The following PTPRN2 variants were observed in gnomAD, a reference collection of about 807,000 sequenced individuals.
PTPRN2 encodes the protein receptor-type tyrosine-protein phosphatase N2.
In PTPRN2, 74 loss-of-function variants were observed where a neutral mutation model predicts 118.8. The ratio of observed to expected loss-of-function variants is 0.62; its 90% CI spans 0.52 to 0.76. The LOEUF is 0.76. PTPRN2 is among the 30% of genes least tolerant of loss of function. The pLI, the probability that PTPRN2 is intolerant of heterozygous loss-of-function variation, is 0.00. For synonymous variants in PTPRN2, 641 were observed against 608.0 expected (o/e 1.05, Z -0.80); for missense variants, 1,481 against 1,394.4 (o/e 1.06, Z -0.99).
chr7:158,186,638 G>A (rs751106285), intron 5 of PTPRN2, among the ~76,000 whole-genome samples: 12 of 149,832 alleles, frequency 8.0e-5, no homozygotes, highest in Non-Finnish European at 1.3e-4. Context: ...AGCCCGCCTG[G>A]GCCACCTGCC....
At chr7:158,385,463 T>C (rs1811262887) in intron 2 of PTPRN2, among the ~76,000 whole-genome samples, 1 of 152,198 alleles carries the variant, frequency 6.6e-6, no homozygotes, top group Non-Finnish European at 1.5e-5. Flanking sequence ...GAGAGCTGTT[T>C]TGAGATAAAA....
chr7:158,019,096 T>G (rs1009706886), intron 11 of PTPRN2, among the ~76,000 whole-genome samples: 1 of 151,952 alleles, frequency 6.6e-6, no homozygotes, highest in African/African-American at 2.4e-5. Flanking sequence ...CGTGTAACTG[T>G]ACTGGGTCTG....
chr7:158,406,518 A>G (rs1813453182), intron 2 of PTPRN2, among the ~76,000 whole-genome samples: 2 of 152,248 alleles, frequency 1.3e-5, no homozygotes, highest in African/African-American at 4.8e-5. Flanking sequence ...TGCTTATCTC[A>G]GGAAGGAAGA....
At chr7:158,388,053 C>G (rs981045290) in intron 2 of PTPRN2, among the ~76,000 whole-genome samples, 1 of 152,174 alleles carries the variant, frequency 6.6e-6, no homozygotes, top group Non-Finnish European at 1.5e-5. Flanking sequence ...TGGAGAACCC[C>G]AGCTCCACAG....
chr7:158,201,194 C>T (rs1298096135), intron 4 of PTPRN2, among the ~76,000 whole-genome samples: 3 of 151,972 alleles, frequency 2.0e-5, no homozygotes, highest in Admixed American at 6.6e-5. Context: ...GGCGCCACCA[C>T]ACCTGGCTAA....
At chr7:158,052,526 G>A (rs576154980) in intron 11 of PTPRN2, among the ~76,000 whole-genome samples, 13 of 152,352 alleles carry the variant, frequency 8.5e-5, no homozygotes, top group Admixed American at 5.2e-4. Flanking sequence ...CGCATGGATG[G>A]TAGAGGGGTG....
chr7:158,189,613 C>G (rs767840572), intron 5 of PTPRN2, among the ~76,000 whole-genome samples: 3 of 152,214 alleles, frequency 2.0e-5, no homozygotes, highest in Non-Finnish European at 4.4e-5. Flanking sequence ...CAACTGATTT[C>G]CCTTCTCTCA....
intron 12 of PTPRN2, among the ~76,000 whole-genome samples, chr7:157,825,861 G>C (rs1263818859): frequency 6.6e-6 from 1 of 152,212 alleles, no homozygotes; most frequent in Non-Finnish European, 1.5e-5. Flanking sequence ...AAGGCTCCAG[G>C]AGACAAAAAG....
At chr7:158,392,783 C>T (rs540317973) in intron 2 of PTPRN2, among the ~76,000 whole-genome samples, 4 of 152,324 alleles carry the variant, frequency 2.6e-5, no homozygotes, top group East Asian at 1.9e-4. Context: ...GTATCCCCTG[C>T]GGACAGGACC....
At chr7:158,248,695 T>TGC (rs1796419447) in intron 3 of PTPRN2, among the ~76,000 whole-genome samples, 1 of 140,528 alleles carries the variant, frequency 7.1e-6, no homozygotes, top group Non-Finnish European at 1.5e-5. Flanking sequence ...ACCACACACG[T>TGC]GCACACACGC....
At chr7:158,132,496 C>T (rs1160380342) in intron 9 of PTPRN2, among the ~76,000 whole-genome samples, 1 of 151,700 alleles carries the variant, frequency 6.6e-6, no homozygotes, top group Non-Finnish European at 1.5e-5. Context: ...CACGCACATG[C>T]ACATACAGAT....
At chr7:158,327,287 A>ACACATGTACACATTCT (rs1803688981) in intron 2 of PTPRN2, among the ~76,000 whole-genome samples, 1 of 140,838 alleles carries the variant, frequency 7.1e-6, no homozygotes, top group African/African-American at 2.7e-5. Flanking sequence ...ACACATGCTC[A>ACACATGTACACATTCT]CACATGTACA....
At chr7:158,560,481 T>G (rs774415933) in intron 1 of PTPRN2, among the ~76,000 whole-genome samples, 4 of 152,260 alleles carry the variant, frequency 2.6e-5, no homozygotes, top group Non-Finnish European at 4.4e-5. Context: ...GACTGCTAGG[T>G]GAAAGTGGAA....
At chr7:158,425,200 C>A (rs1815620470) in intron 2 of PTPRN2, among the ~76,000 whole-genome samples, 1 of 34,516 alleles carries the variant, frequency 2.9e-5, no homozygotes, top group Non-Finnish European at 8.4e-5. Context: ...CTGCGCACCG[C>A]CGGGAAAGAC....
At chr7:158,320,607 G>A (rs1802934665) in intron 2 of PTPRN2, among the ~76,000 whole-genome samples, 1 of 152,210 alleles carries the variant, frequency 6.6e-6, no homozygotes, top group African/African-American at 2.4e-5. Context: ...GTGACACTTG[G>A]AGGCGTCCAT....
chr7:157,754,175 G>A (rs771646782), intron 12 of PTPRN2, among the ~76,000 whole-genome samples: 2 of 152,232 alleles, frequency 1.3e-5, no homozygotes, highest in Non-Finnish European at 2.9e-5. Context: ...GGCCCTTCCC[G>A]AGGAAGCCTG....
chr7:157,625,349 G>C (rs1251700046), intron 14 of PTPRN2, among the ~76,000 whole-genome samples: 1 of 152,210 alleles, frequency 6.6e-6, no homozygotes, highest in Non-Finnish European at 1.5e-5. Context: ...ATCAATCAAT[G>C]AGAGGATAAG....
chr7:158,442,662 A>T (rs1459400532), intron 2 of PTPRN2, among the ~76,000 whole-genome samples: 2 of 152,218 alleles, frequency 1.3e-5, no homozygotes, highest in African/African-American at 4.8e-5. Flanking sequence ...TTGGGGCTTT[A>T]GGATCGTAAG....
chr7:158,234,410 A>T (rs1829383687), intron 3 of PTPRN2, among the ~76,000 whole-genome samples: 1 of 152,240 alleles, frequency 6.6e-6, no homozygotes, highest in Non-Finnish European at 1.5e-5. Context: ...GTCATCAAAT[A>T]AAAACACACA....
Sources: allele counts gnomAD v4.1 joint callset (sites outside exome capture counted in the v4.1 genomes callset), GRCh38; gene constraint gnomAD v4.1.1; transcripts MANE v1.5; gene names NCBI Gene and HGNC (gene_info 2026-07-23, HGNC 2026-07-21).